The following DOCK10 variants were observed in gnomAD, a reference collection of about 807,000 sequenced individuals.
DOCK10 encodes the protein dedicator of cytokinesis 10.
Under a neutral mutation model 280.1 loss-of-function variants are expected in DOCK10, and 145 were observed. That is an observed-to-expected ratio of 0.52 (90% CI 0.45 to 0.59). DOCK10 has a LOEUF of 0.59. Among genes scored for constraint, DOCK10 ranks in the 20% least tolerant of loss-of-function variants. The pLI is 0.00. For synonymous variants in DOCK10, 915 were observed against 942.2 expected (o/e 0.97, Z 0.53); for missense variants, 2,368 against 2,651.7 (o/e 0.89, Z 2.35).
intron 1 of DOCK10, among the ~76,000 whole-genome samples, chr2:225,030,748 A>G (rs1690053137): frequency 6.6e-6 from 1 of 152,180 alleles, no homozygotes; most frequent in African/African-American, 2.4e-5. Flanking sequence ...AGTTTACTTC[A>G]ATTCAATTTG....
rs1705027862 is a variant in DOCK10 at position 224,970,591 on chromosome 2, A to G, written c.124-38923T>C. On this transcript the variant is annotated intron_variant, in intron 1 of 55. Coordinates refer to ENST00000258390, the MANE Select transcript of DOCK10 (RefSeq NM_014689.3). This position sits in a 1 kb window ranked among gnomAD's most constrained non-coding sequence, Gnocchi z 4.6. Reference sequence around the variant, plus strand: ...CCTTCAATCCGAAGAGATTACAACAAAGTGATTTTCCCTTTTTTTCTCTTT... The same window carrying G: ...CCTTCAATCCGAAGAGATTACAACAGAGTGATTTTCCCTTTTTTTCTCTTT... 6.6e-6 allele frequency among the ~76,000 whole-genome samples: 1 copy of G among 152,138 alleles called. No homozygotes were observed. The highest frequency in any genetic ancestry group is 1.5e-5 in the Non-Finnish European group (1 of 68,000).
intron 1 of DOCK10, among the ~76,000 whole-genome samples, chr2:224,992,199 C>T (rs1292260490): frequency 6.6e-6 from 1 of 152,210 alleles, no homozygotes; most frequent in Non-Finnish European, 1.5e-5. Context: ...TAACTGTACT[C>T]TCTGTACTTG....
rs1433092904 is a variant in DOCK10 at position 224,805,379 on chromosome 2, G to T, written c.3936+29C>A. The T allele has an allele frequency of 6.2e-7, 1 of 1,612,712 alleles. No homozygotes were observed. Among genetic ancestry groups the T allele is most frequent in the Admixed American group, 1.7e-5 (1 of 59,854 alleles). The stretch of plus-strand genomic sequence containing the variant: ...GAGTGAGTGACCTCTGCCTTGTAAT[G>T]ATCAGTAGGTTTGAGAGGGAAGTCA... On this transcript the variant is annotated intron_variant, in intron 35 of 55. Transcript: ENST00000258390. This position sits in a 1 kb window ranked among gnomAD's most constrained non-coding sequence, Gnocchi z 4.3.
At chr2:224,790,762 A>G (rs1692126749) in intron 47 of DOCK10, among the ~76,000 whole-genome samples, 1 of 152,186 alleles carries the variant, frequency 6.6e-6, no homozygotes, top group African/African-American at 2.4e-5. Context: ...GGGGTCGCCT[A>G]TCTTCACCTA....
At chr2:224,853,270 T>C in intron 16 of DOCK10, 148 bp from the exon 17 acceptor site, 1 of 542,612 alleles carries the variant, frequency 1.8e-6, no homozygotes, top group Non-Finnish European at 2.9e-6. Context: ...CATGAAAAAT[T>C]TGTAGGAGGT....
intron 25 of DOCK10, among the ~76,000 whole-genome samples, chr2:224,836,090 A>G (rs962144421): frequency 6.6e-6 from 1 of 152,234 alleles, no homozygotes; most frequent in African/African-American, 2.4e-5. Flanking sequence ...CAATGATCCC[A>G]CTGACATGAG....
intron 47 of DOCK10, among the ~76,000 whole-genome samples, chr2:224,791,970 C>A (rs1652903460): frequency 6.6e-6 from 1 of 152,178 alleles, no homozygotes; most frequent in South Asian, 2.1e-4. Flanking sequence ...GAGTTTTCCA[C>A]TGCATTTGGA....
In DOCK10 at chr2:224,797,929, T is replaced by C; in HGVS notation, c.4547A>G (p.Lys1516Arg). 2 of 1,613,828 alleles carry C rather than the reference T, an allele frequency of 1.2e-6. No homozygotes were observed. Among genetic ancestry groups the C allele is most frequent in the Non-Finnish European group, 1.7e-6 (2 of 1,179,774 alleles). Residue 1516 changes from lysine to arginine, a missense_variant, in exon 42 of 56, where the codon AAA (lysine) becomes AGA (arginine). Lys to Arg is a conservative substitution (Grantham distance 26, BLOSUM62 2). Coordinates refer to ENST00000258390, the MANE Select transcript of DOCK10 (RefSeq NM_014689.3). Reference protein sequence around the residue: ...QQCDCQNSLMKRVFDTYMLFF... With the variant: ...QQCDCQNSLMRRVFDTYMLFF... ...GAGCATGTAGGTATCAAAGACCCTT[T>C]TCATCAATGAATTTTGACAGTCACA...
At chr2:224,874,534 TA>T in intron 9 of DOCK10, 131 bp downstream of exon 9, 1 of 983,314 alleles carries the variant, frequency 1.0e-6, no homozygotes, top group Non-Finnish European at 1.6e-6. Flanking sequence ...TGAAAACACA[TA>T]GGTTAACGGG....
chr2:224,888,980 G>A (rs1699499166), intron 4 of DOCK10, among the ~76,000 whole-genome samples: 1 of 152,124 alleles, frequency 6.6e-6, no homozygotes. Flanking sequence ...AGGACACTAT[G>A]CTAAATGAAA....
chr2:224,855,070 C>CACAA, intron 15 of DOCK10, 28 bp from the exon 16 acceptor site: 1 of 955,384 alleles, frequency 1.0e-6, no homozygotes, highest in Non-Finnish European at 1.6e-6. Context: ...CAAGGACACA[C>CACAA]ACACACACAC....
Position 224,886,168 on chromosome 2 carries a change from C to T in DOCK10, c.507G>A (p.Ser169=), listed in dbSNP as rs377304467. ...CCGCTCCTCCACCCCCCTTGGAAGA[C>T]GAGTGGGAAGTGGTATCCTGTAGGA... ...ADKDEDTTSH[S]SSKGGGGAGG... Residue 169 remains serine (S), a synonymous_variant, in exon 6 of 56, where the codon TCG becomes TCA. Coordinates refer to ENST00000258390, the MANE Select transcript of DOCK10 (RefSeq NM_014689.3). 2.1e-5 allele frequency: 34 copies of T among 1,613,652 alleles called. No homozygotes were observed. The highest frequency in any genetic ancestry group is 1.8e-4 in the South Asian group (16 of 91,080).
rs1344059245 is a variant in DOCK10 at position 225,042,445 on chromosome 2, C to G, written c.-71G>C. ...CCGGTCTTCCCCGCGCCAACCTTCT[C>G]TATCCACCCGCCGTTCAGGAAGCGG... On this transcript the variant is annotated 5_prime_UTR_variant, in exon 1 of 56. Coordinates refer to ENST00000258390, the MANE Select transcript of DOCK10 (RefSeq NM_014689.3). The surrounding 1 kb of genome is among the most constrained non-coding windows in gnomAD (Gnocchi z 5.1). The G allele has an allele frequency of 1.6e-6, 2 of 1,223,770 alleles. No homozygotes were observed. Among genetic ancestry groups the G allele is most frequent in the East Asian group, 3.3e-5 (1 of 30,588 alleles). The allele number at this position is 1,223,770 out of a possible 1,614,324, so 75.8% of individuals were successfully genotyped here.
At chr2:224,999,254 T>C (rs1429520544) in intron 1 of DOCK10, among the ~76,000 whole-genome samples, 1 of 151,958 alleles carries the variant, frequency 6.6e-6, no homozygotes, top group East Asian at 1.9e-4. Context: ...CTCTCTCTTT[T>C]TTTTTTTCAA....
At chr2:224,816,491 C>T (rs1403012249) in intron 30 of DOCK10, 126 bp downstream of exon 30, 1 of 669,756 alleles carries the variant, frequency 1.5e-6, no homozygotes. Context: ...GTCTGATACC[C>T]ATGTGACAGC....
intron 50 of DOCK10, among the ~76,000 whole-genome samples, chr2:224,781,676 G>T (rs1691350762): frequency 2.0e-5 from 3 of 152,174 alleles, no homozygotes; most frequent in Admixed American, 1.3e-4. Flanking sequence ...CACTTCCCTT[G>T]CTAGTTTGAT....
intron 1 of DOCK10, among the ~76,000 whole-genome samples, chr2:225,020,896 C>T (rs1019791349): frequency 6.6e-6 from 1 of 152,170 alleles, no homozygotes; most frequent in South Asian, 2.1e-4. Context: ...TGATAGAGTG[C>T]ATATGTGACA....
At chr2:224,964,668 C>T (rs1383658059) in intron 1 of DOCK10, among the ~76,000 whole-genome samples, 1 of 152,098 alleles carries the variant, frequency 6.6e-6, no homozygotes, top group Admixed American at 6.5e-5. Flanking sequence ...CCATGCCTGG[C>T]GTGGCCTTTG....
At chr2:225,009,220 A>G (rs1689364211) in intron 1 of DOCK10, among the ~76,000 whole-genome samples, 1 of 152,184 alleles carries the variant, frequency 6.6e-6, no homozygotes, top group Admixed American at 6.5e-5. Context: ...TCTTCACAAA[A>G]AGTTTCCAAC....
Sources: allele counts gnomAD v4.1 joint callset (sites outside exome capture counted in the v4.1 genomes callset), GRCh38; gene constraint gnomAD v4.1.1; non-coding constraint Gnocchi (gnomAD v3.1); transcripts MANE v1.5; gene names NCBI Gene and HGNC (gene_info 2026-07-23, HGNC 2026-07-21).